The following NPAS2 variants were observed in gnomAD, a reference collection of about 807,000 sequenced individuals.
NPAS2 encodes the protein neuronal PAS domain protein 2, also known as neuronal PAS domain-containing protein 2.
NPAS2 carries 23 observed loss-of-function variants against 107.5 expected under a neutral mutation model. The ratio of observed to expected loss-of-function variants is 0.21; its 90% CI spans 0.15 to 0.30. NPAS2 has a LOEUF of 0.30. Ranked by LOEUF, NPAS2 falls within the 10% of genes least tolerant of loss-of-function variation. NPAS2 has a pLI of 1.00. For synonymous variants in NPAS2, 403 were observed against 417.5 expected (o/e 0.97, Z 0.42); for missense variants, 756 against 1,043.3 (o/e 0.72, Z 3.79).
rs1006230580 is a variant in NPAS2 at position 100,824,924 on chromosome 2, C to T, written c.-23+4510C>T. On this transcript the variant is annotated intron_variant, in intron 1 of 20. Coordinates refer to ENST00000335681, the MANE Select transcript of NPAS2 (RefSeq NM_002518.4). ...GAAAAGCAGAGGAACCCCCTGGAGC[C>T]AAGGCAGGCCTGGGTGAGGGTGGAG... is the stretch of plus-strand genomic sequence containing the variant. Among the ~76,000 whole-genome samples the T allele has an allele frequency of 6.6e-5, 10 of 152,288 alleles. No individual in the cohort carries two copies. The East Asian group carries it at 1.7e-3, about 26-fold the overall frequency.
At chr2:100,890,918 C>T (rs1013866616) in intron 1 of NPAS2, among the ~76,000 whole-genome samples, 2 of 151,968 alleles carry the variant, frequency 1.3e-5, no homozygotes, top group African/African-American at 2.4e-5. Context: ...AGTGTGCTGT[C>T]TGCTTAAACT....
chr2:100,940,950 G>T (rs1250762125), intron 5 of NPAS2, among the ~76,000 whole-genome samples: 1 of 152,194 alleles, frequency 6.6e-6, no homozygotes, highest in Non-Finnish European at 1.5e-5. Context: ...AGGAGGCTGT[G>T]GGCCCCAGCA....
In NPAS2 at chr2:100,873,691, T is replaced by C. The variant is rs1458709896; in HGVS notation, c.-22-31042T>C. ...ATTTTGTAACTACGATATTATAAAG[T>C]GCTTACTTTCATAGCAATGGAGCGG... On this transcript the variant is annotated intron_variant, in intron 1 of 20. Transcript: ENST00000335681. Among the ~76,000 whole-genome samples, 4 of 133,020 alleles carry C rather than the reference T, an allele frequency of 3.0e-5. No homozygotes were observed. The Admixed American group carries it at 3.4e-4, about 11-fold the overall frequency. 87.3% of individuals were successfully genotyped at this position (133,020 alleles called of 152,430 possible). A position where few individuals can be genotyped will look rare whatever the true frequency, so the allele number is the denominator to read the frequency against.
intron 1 of NPAS2, among the ~76,000 whole-genome samples, chr2:100,903,654 G>A (rs1033444799): frequency 6.6e-6 from 1 of 152,172 alleles, no homozygotes; most frequent in Non-Finnish European, 1.5e-5. Flanking sequence ...GCGTAGAAGC[G>A]GGTGGGCAGT....
intron 1 of NPAS2, among the ~76,000 whole-genome samples, chr2:100,888,282 CA>C (rs779669416): frequency 1.3e-5 from 2 of 152,162 alleles, no homozygotes; most frequent in Non-Finnish European, 2.9e-5. Context: ...GGGTGGGACC[CA>C]TGCCTGTGCT....
chr2:100,903,725 A>G (rs112212716), intron 1 of NPAS2, among the ~76,000 whole-genome samples: 3,167 of 152,186 alleles, frequency 0.021, 107 homozygotes, highest in African/African-American at 0.073. Flanking sequence ...CCTCCCAGCC[A>G]CCGCAGCCTT....
At chr2:100,971,665 C>T (rs1436834302) in intron 12 of NPAS2, among the ~76,000 whole-genome samples, 1 of 152,126 alleles carries the variant, frequency 6.6e-6, no homozygotes, top group Non-Finnish European at 1.5e-5. Context: ...GTAGAAAGGC[C>T]TTCCCTCCAC....
intron 7 of NPAS2, among the ~76,000 whole-genome samples, chr2:100,963,607 G>A (rs1288960594): frequency 6.6e-6 from 1 of 152,198 alleles, no homozygotes; most frequent in Middle Eastern, 3.4e-3. Context: ...GTAGAGATGG[G>A]GTTTCACAGT....
chr2:100,935,164 C>T, intron 4 of NPAS2: 3 of 915,626 alleles, frequency 3.3e-6, no homozygotes, highest in Non-Finnish European at 3.9e-6. Flanking sequence ...CTGTGGCTAC[C>T]AGCATTGGAG....
chr2:100,980,973 G>T (rs1468341325), intron 15 of NPAS2, among the ~76,000 whole-genome samples: 1 of 105,290 alleles, frequency 9.5e-6, no homozygotes, highest in Admixed American at 1.0e-4. Context: ...GCCTCTTGGG[G>T]TGGCATGGGC....
At chr2:100,894,407 A>G (rs1227494460) in intron 1 of NPAS2, among the ~76,000 whole-genome samples, 1 of 152,102 alleles carries the variant, frequency 6.6e-6, no homozygotes, top group African/African-American at 2.4e-5. Context: ...AGGTCCATGC[A>G]TGTTTGTGTC....
At chr2:100,924,008 C>T (rs1340182905) in intron 2 of NPAS2, among the ~76,000 whole-genome samples, 1 of 152,164 alleles carries the variant, frequency 6.6e-6, no homozygotes, top group African/African-American at 2.4e-5. Context: ...GGAGGCCCCT[C>T]CTCTCTAACC....
intron 5 of NPAS2, among the ~76,000 whole-genome samples, chr2:100,945,526 C>G (rs141718641): frequency 6.6e-6 from 1 of 152,220 alleles, no homozygotes; most frequent in East Asian, 1.9e-4. Context: ...TTAAAATGCA[C>G]GAGCAGTTCT....
chr2:100,903,283 G>T (rs1681909123), intron 1 of NPAS2, among the ~76,000 whole-genome samples: 1 of 152,214 alleles, frequency 6.6e-6, no homozygotes, highest in Admixed American at 6.5e-5. Context: ...ACTTTGAACA[G>T]ATTCCATCTG....
In NPAS2 at chr2:100,993,333, C is replaced by A; in HGVS notation, c.2112-14C>A. The A allele has an allele frequency of 6.5e-7, 1 of 1,548,988 alleles. No homozygotes were observed. The highest frequency in any genetic ancestry group is 1.2e-5 in the South Asian group (1 of 84,566). ...TTCTTAAAGGACCTGTTTTCTCCTT[C>A]CCACGTGAAACAGGTACGCCCAGAG... On this transcript the variant is annotated splice_polypyrimidine_tract_variant and intron_variant, in intron 19 of 20. Transcript: ENST00000335681.
At chr2:100,916,344 G>A (rs1384366746) in intron 2 of NPAS2, among the ~76,000 whole-genome samples, 3 of 152,024 alleles carry the variant, frequency 2.0e-5, no homozygotes, top group African/African-American at 4.8e-5. Context: ...CTAAATATAT[G>A]CTGTCTACAA....
rs182345356 is a variant in NPAS2, at chr2:100,979,010, G to A, written c.1482+1211G>A. Among the ~76,000 whole-genome samples the A allele has an allele frequency of 6.9e-3, 1,047 of 152,282 alleles. 16 individuals carry two copies. Among genetic ancestry groups the A allele is most frequent in the African/African-American group, 0.024 (1,011 of 41,560 alleles). On this transcript the variant is annotated intron_variant, in intron 15 of 20. Transcript: ENST00000335681. ...CACAGGCTAGAGCTGCGTCCCAGAC[G>A]GCAGTTCAGCAGCAGGTGCCCCTCT...
At chr2:100,952,534 T>C (rs76607912) in intron 7 of NPAS2, among the ~76,000 whole-genome samples, 1,882 of 151,780 alleles carry the variant, frequency 0.012, 32 homozygotes, top group East Asian at 0.071. Flanking sequence ...ATTTGCACTC[T>C]GCCTGGGCAA....
chr2:100,875,439 A>G (rs996797534), intron 1 of NPAS2, among the ~76,000 whole-genome samples: 1 of 149,386 alleles, frequency 6.7e-6, no homozygotes, highest in Non-Finnish European at 1.5e-5. Context: ...TTTAAAAATA[A>G]AATTTTTAAA....
Sources: gnomAD v4.1 joint callset for allele counts (sites outside exome capture counted in the v4.1 genomes callset) on GRCh38, gnomAD v4.1.1 for gene constraint, MANE v1.5 for transcripts, NCBI Gene and HGNC (gene_info 2026-07-23, HGNC 2026-07-21) for gene names.